Variants in RTTN observed in about 807,000 individuals in gnomAD.
RTTN encodes rotatin.
Under a neutral mutation model 269.2 loss-of-function variants are expected in RTTN, and 182 were observed. The ratio of observed to expected loss-of-function variants is 0.68; its 90% CI spans 0.60 to 0.76. The LOEUF (loss-of-function observed/expected upper bound fraction) is 0.76. Ranked by LOEUF, RTTN falls within the 30% of genes least tolerant of loss-of-function variation. The pLI is 0.00. For missense variants in RTTN, 2,545 were observed against 2,608.6 expected (o/e 0.98, Z 0.53); for synonymous variants, 1,006 against 963.5 (o/e 1.04, Z -0.82).
chr18:70,202,038 AACTT>A (rs1381451305), intron 3 of RTTN, 55 bp from the exon 4 acceptor site: 16 of 1,021,066 alleles, frequency 1.6e-5, no homozygotes, highest in East Asian at 5.0e-5. Context: ...CTAAAAGTGA[AACTT>A]ACTTTCTTTA....
At chr18:70,125,827 C>A (rs1396671235) in intron 25 of RTTN, among the ~76,000 whole-genome samples, 1 of 151,972 alleles carries the variant, frequency 6.6e-6, no homozygotes, top group East Asian at 1.9e-4. Flanking sequence ...ACTAAAGTTT[C>A]CCAAAGCCTC....
At chr18:70,061,045 G>A (rs575106350) in intron 35 of RTTN, among the ~76,000 whole-genome samples, 12 of 151,720 alleles carry the variant, frequency 7.9e-5, no homozygotes, top group East Asian at 1.9e-4. Context: ...CACGAATGGC[G>A]TTGCAATCAA....
intron 17 of RTTN, 117 bp from the exon 18 acceptor site, chr18:70,145,900 A>G (rs1396670310): frequency 1.7e-6 from 1 of 603,198 alleles, no homozygotes; most frequent in Non-Finnish European, 2.7e-6. Context: ...TCACAATTAT[A>G]CTGCCATTAC....
chr18:70,142,706 G>T (rs551478562), intron 18 of RTTN, among the ~76,000 whole-genome samples: 1 of 152,098 alleles, frequency 6.6e-6, no homozygotes, highest in African/African-American at 2.4e-5. Context: ...CATTCTGGCC[G>T]GGTGCGATGG....
intron 35 of RTTN, among the ~76,000 whole-genome samples, chr18:70,065,330 C>T (rs1443226535): frequency 2.7e-5 from 4 of 148,626 alleles, no homozygotes; most frequent in Non-Finnish European, 4.4e-5. Flanking sequence ...GGAAGCAGTT[C>T]CCAGCACAAG....
chr18:70,126,770 C>T (rs2059875828), intron 25 of RTTN, among the ~76,000 whole-genome samples: 1 of 152,028 alleles, frequency 6.6e-6, no homozygotes, highest in Non-Finnish European at 1.5e-5. Context: ...TAGTGGGCAC[C>T]AGCACACCAC....
At chr18:70,014,322 T>C (rs2056478269) in intron 46 of RTTN, among the ~76,000 whole-genome samples, 2 of 152,222 alleles carry the variant, frequency 1.3e-5, no homozygotes, top group African/African-American at 4.8e-5. Flanking sequence ...TATCTAAATA[T>C]GGTATAATTA....
chr18:70,059,041 C>T (rs2057901854), intron 36 of RTTN, among the ~76,000 whole-genome samples: 1 of 152,050 alleles, frequency 6.6e-6, no homozygotes, highest in Admixed American at 6.6e-5. Flanking sequence ...CAGAGAAATG[C>T]AAATAAACAT....
At chr18:70,125,851 T>C (rs1251293132) in intron 25 of RTTN, among the ~76,000 whole-genome samples, 1 of 151,940 alleles carries the variant, frequency 6.6e-6, no homozygotes, top group Non-Finnish European at 1.5e-5. Flanking sequence ...AGTACATACA[T>C]TGCTGGAAGT....
chr18:70,134,829 C>T (rs1018679165), intron 22 of RTTN, among the ~76,000 whole-genome samples: 4 of 151,994 alleles, frequency 2.6e-5, no homozygotes, highest in East Asian at 1.9e-4. Flanking sequence ...TCAAGATCAG[C>T]GCTAATCATA....
chr18:70,048,506 T>G (rs769996959), intron 39 of RTTN, among the ~76,000 whole-genome samples: 4 of 152,250 alleles, frequency 2.6e-5, no homozygotes, highest in Non-Finnish European at 4.4e-5. Context: ...AAACAGTCAT[T>G]ATTAATTTCC....
At chr18:70,052,079 T>C (rs1478101786) in intron 38 of RTTN, among the ~76,000 whole-genome samples, 1 of 152,214 alleles carries the variant, frequency 6.6e-6, no homozygotes, top group Non-Finnish European at 1.5e-5. Context: ...TCTGCAGCTT[T>C]TCCTATGGCT....
At chr18:70,022,688 C>T (rs1434747661) in intron 44 of RTTN, among the ~76,000 whole-genome samples, 1 of 152,180 alleles carries the variant, frequency 6.6e-6, no homozygotes, top group Non-Finnish European at 1.5e-5. Context: ...ATCAATACTG[C>T]TAAGTCCAAC....
chr18:70,170,756 G>A (rs2061119226), intron 11 of RTTN, among the ~76,000 whole-genome samples: 1 of 152,152 alleles, frequency 6.6e-6, no homozygotes, highest in Admixed American at 6.5e-5. Context: ...GTGCAAAAGT[G>A]GAAGCTAAGA....
At chr18:70,199,952 T>A (rs760275713) in intron 4 of RTTN, among the ~76,000 whole-genome samples, 1 of 152,252 alleles carries the variant, frequency 6.6e-6, no homozygotes, top group East Asian at 1.9e-4. Context: ...TGGTGTCAGG[T>A]GTTTTAAACC....
chr18:70,187,515 A>C (rs1176733108), intron 10 of RTTN, among the ~76,000 whole-genome samples: 2 of 152,228 alleles, frequency 1.3e-5, no homozygotes, highest in South Asian at 4.1e-4. Context: ...TAGTGAAAAC[A>C]AACAAAAAAA....
intron 42 of RTTN, among the ~76,000 whole-genome samples, chr18:70,029,543 G>A (rs1355252776): frequency 1.3e-5 from 2 of 152,006 alleles, no homozygotes; most frequent in African/African-American, 4.8e-5. Flanking sequence ...CCAGATTTGG[G>A]GCAAATATTA....
intron 21 of RTTN, among the ~76,000 whole-genome samples, chr18:70,136,609 CTAAAA>C (rs2060130820): frequency 6.6e-6 from 1 of 151,330 alleles, no homozygotes; most frequent in Non-Finnish European, 1.5e-5. Context: ...TTCACTAAAA[CTAAAA>C]TAAGAAAATA....
At chr18:70,137,133 TA>T (rs1374898747) in intron 21 of RTTN, among the ~76,000 whole-genome samples, 2 of 152,218 alleles carry the variant, frequency 1.3e-5, no homozygotes, top group Admixed American at 1.3e-4. Flanking sequence ...AGAATTTGTA[TA>T]GTTCTATATT....
Sources: gnomAD v4.1 joint callset for allele counts (sites outside exome capture counted in the v4.1 genomes callset) on GRCh38, gnomAD v4.1.1 for gene constraint, MANE v1.5 for transcripts, NCBI Gene and HGNC (gene_info 2026-07-23, HGNC 2026-07-21) for gene names.